The following ZMAT4 variants were observed in gnomAD, a reference collection of about 807,000 sequenced individuals.
The protein encoded by ZMAT4 is zinc finger matrin-type protein 4.
In ZMAT4, 17 loss-of-function variants were observed where a neutral mutation model predicts 28.7. The observed-to-expected ratio is 0.59, with a 90% CI of 0.41 to 0.89. The LOEUF (loss-of-function observed/expected upper bound fraction) is 0.89, where lower values mean the gene tolerates loss of function less well. ZMAT4 is among the 40% of genes least tolerant of loss of function. The pLI, the probability that ZMAT4 is intolerant of heterozygous loss-of-function variation, is 0.00. For missense variants in ZMAT4, 240 were observed against 283.8 expected, an observed-to-expected ratio of 0.85 and a Z score of 1.11; for synonymous variants, 117 against 109.2, an observed-to-expected ratio of 1.07 and a Z score of -0.44.
intron 3 of ZMAT4, among the ~76,000 whole-genome samples, chr8:40,741,661 C>T: frequency 6.6e-6 from 1 of 152,142 alleles, no homozygotes; most frequent in East Asian, 1.9e-4. Context: ...TGACTCCCAT[C>T]TTTCTGCAGG....
At chr8:40,820,699 G>T (rs1477540053) in intron 2 of ZMAT4, among the ~76,000 whole-genome samples, 21 of 4,082 alleles carry the variant, frequency 5.1e-3, no homozygotes, top group Admixed American at 0.047. Flanking sequence ...CTATGTATAT[G>T]TTTATGTGTG....
chr8:40,837,340 T>C (rs1356283501), intron 1 of ZMAT4, among the ~76,000 whole-genome samples: 2 of 152,248 alleles, frequency 1.3e-5, no homozygotes, highest in African/African-American at 4.8e-5. Flanking sequence ...TCTTGGTTCC[T>C]GGATGACTGT....
intron 3 of ZMAT4, among the ~76,000 whole-genome samples, chr8:40,707,609 A>C (rs1231069499): frequency 6.7e-6 from 1 of 149,616 alleles, no homozygotes; most frequent in Non-Finnish European, 1.5e-5. Context: ...GTGAGTATGT[A>C]TATGTGTGTG....
At chr8:40,657,496 G>C (rs985377830) in intron 5 of ZMAT4, among the ~76,000 whole-genome samples, 1 of 151,708 alleles carries the variant, frequency 6.6e-6, no homozygotes, top group Non-Finnish European at 1.5e-5. Flanking sequence ...CTCAATCCTG[G>C]ATTTAATTTT....
chr8:40,651,659 A>G (rs1451216077), intron 5 of ZMAT4, among the ~76,000 whole-genome samples: 1 of 151,378 alleles, frequency 6.6e-6, no homozygotes, highest in Non-Finnish European at 1.5e-5. Flanking sequence ...GAGGCATCAC[A>G]CTACCTGACT....
intron 1 of ZMAT4, among the ~76,000 whole-genome samples, chr8:40,855,878 A>G (rs1344409791): frequency 6.6e-6 from 1 of 151,496 alleles, no homozygotes; most frequent in Non-Finnish European, 1.5e-5. Context: ...TTTTGTAGAG[A>G]TGGGGTCTCG....
At chr8:40,730,885 G>A (rs990499046) in intron 3 of ZMAT4, among the ~76,000 whole-genome samples, 2 of 152,168 alleles carry the variant, frequency 1.3e-5, no homozygotes, top group African/African-American at 2.4e-5. Context: ...CAACTTCCAA[G>A]AGAAGGCTTG....
intron 3 of ZMAT4, among the ~76,000 whole-genome samples, chr8:40,732,834 CTTTTTTTTTTTT>C (rs11461186): frequency 1.5e-5 from 1 of 67,022 alleles, no homozygotes; most frequent in Admixed American, 2.0e-4. Flanking sequence ...GCAAGACCTC[CTTTTTTTTTTTT>C]TTTTTTTTTT....
At chr8:40,865,927 G>C (rs933802493) in intron 1 of ZMAT4, among the ~76,000 whole-genome samples, 2 of 152,194 alleles carry the variant, frequency 1.3e-5, no homozygotes, top group African/African-American at 4.8e-5. Context: ...AAAGAAAAGA[G>C]AGCTACGATG....
At chr8:40,796,376 A>G (rs1344940533) in intron 2 of ZMAT4, among the ~76,000 whole-genome samples, 2 of 152,208 alleles carry the variant, frequency 1.3e-5, no homozygotes, top group Non-Finnish European at 2.9e-5. Flanking sequence ...TGAAAAATGA[A>G]AACAAAAAAA....
At chr8:40,542,294 G>A (rs28524527) in intron 6 of ZMAT4, among the ~76,000 whole-genome samples, 1,812 of 152,300 alleles carry the variant, frequency 0.012, 39 homozygotes, top group African/African-American at 0.039. Flanking sequence ...GTGGGCCACC[G>A]AGGGGTCAGG....
In ZMAT4 at chr8:40,870,525, TAGAAG is replaced by T. The variant is rs533247814; in HGVS notation, c.-5+27153_-5+27157del. 2.0e-5 allele frequency among the ~76,000 whole-genome samples: 3 copies of T among 152,360 alleles called. No homozygotes were observed. The South Asian group carries it at 6.2e-4, about 32-fold the overall frequency. On this transcript the variant is annotated intron_variant, in intron 1 of 6. Coordinates refer to ENST00000297737, the MANE Select transcript of ZMAT4 (RefSeq NM_024645.3). ...AAAAATTAAGAAGTCTGATTAATTCTAGAAGAGAAGATTATCCTTCCCTAGAAGTG... is the reference window on the plus strand; with the variant it reads ...AAAAATTAAGAAGTCTGATTAATTCTAGAAGATTATCCTTCCCTAGAAGTG...
chr8:40,764,485 A>G (rs1394601386), intron 3 of ZMAT4, among the ~76,000 whole-genome samples: 3 of 152,136 alleles, frequency 2.0e-5, no homozygotes, highest in Non-Finnish European at 4.4e-5. Context: ...GTTCCTATGA[A>G]TGGGGTGGGA....
intron 5 of ZMAT4, among the ~76,000 whole-genome samples, chr8:40,654,103 A>G (rs1178561756): frequency 6.6e-6 from 1 of 152,214 alleles, no homozygotes; most frequent in Non-Finnish European, 1.5e-5. Flanking sequence ...CCTGTTTTGC[A>G]TAACCTGTGA....
intron 2 of ZMAT4, among the ~76,000 whole-genome samples, chr8:40,820,346 A>G (rs1563506269): frequency 1.4e-5 from 2 of 144,998 alleles, no homozygotes; most frequent in African/African-American, 5.1e-5. Flanking sequence ...GTGTGTGTTT[A>G]TGTGTGTGTT....
chr8:40,658,972 T>C (rs1441331750), intron 5 of ZMAT4, among the ~76,000 whole-genome samples: 3 of 152,200 alleles, frequency 2.0e-5, no homozygotes, highest in Admixed American at 2.0e-4. Context: ...TTACAAATAT[T>C]ATCAGTAGAA....
chr8:40,701,306 G>A (rs908694524), intron 3 of ZMAT4, among the ~76,000 whole-genome samples: 5 of 152,090 alleles, frequency 3.3e-5, no homozygotes, highest in African/African-American at 1.2e-4. Flanking sequence ...TGCCATAGTT[G>A]TAAAAGAGGG....
chr8:40,809,937 G>T (rs1469956803), intron 2 of ZMAT4, among the ~76,000 whole-genome samples: 3 of 152,034 alleles, frequency 2.0e-5, no homozygotes, highest in Non-Finnish European at 4.4e-5. Flanking sequence ...CCAGCTACTT[G>T]GGAGGCTAAG....
intron 2 of ZMAT4, among the ~76,000 whole-genome samples, chr8:40,824,503 C>T (rs1179011732): frequency 6.6e-6 from 1 of 151,804 alleles, no homozygotes; most frequent in African/African-American, 2.4e-5. Flanking sequence ...AATTCATGTT[C>T]CTACTAGTAT....
Sources: gnomAD v4.1 joint callset for allele counts (sites outside exome capture counted in the v4.1 genomes callset) on GRCh38, gnomAD v4.1.1 for gene constraint, MANE v1.5 for transcripts, NCBI Gene and HGNC (gene_info 2026-07-23, HGNC 2026-07-21) for gene names.